NEK11: variants seen among roughly 807,000 people sequenced by gnomAD.
NEK11 encodes NIMA related kinase 11.
In NEK11, 72 loss-of-function variants were observed where a neutral mutation model predicts 80.7. That is an observed-to-expected ratio of 0.89 (90% CI 0.74 to 1.08). NEK11 has a LOEUF of 1.08. Among genes scored for constraint, NEK11 ranks in the 50% least tolerant of loss-of-function variants. The pLI is 0.00. For synonymous variants in NEK11, 251 were observed against 260.7 expected (o/e 0.96, Z 0.36); for missense variants, 764 against 763.6 (o/e 1.00, Z -0.01).
chr3:131,333,647 G>T (rs926006479), intron 17 of NEK11, among the ~76,000 whole-genome samples: 20 of 152,078 alleles, frequency 1.3e-4, no homozygotes, highest in African/African-American at 4.8e-4. Context: ...TGGACTAAAT[G>T]CTCCAATTAA....
chr3:131,196,883 G>A (rs1219900177), intron 14 of NEK11, among the ~76,000 whole-genome samples: 2 of 149,824 alleles, frequency 1.3e-5, no homozygotes, highest in African/African-American at 2.5e-5. Context: ...ATTTAATAGA[G>A]TGAAATAGAG....
At chr3:131,184,041 C>T (rs565825650) in intron 14 of NEK11, among the ~76,000 whole-genome samples, 1 of 152,158 alleles carries the variant, frequency 6.6e-6, no homozygotes, top group Non-Finnish European at 1.5e-5. Context: ...TCATTCGATG[C>T]CTCGCCTCTT....
Position 131,228,565 on chromosome 3 carries a change from C to G in NEK11, c.1437C>G (p.Tyr479Ter), listed in dbSNP as rs374882910. The G allele has an allele frequency of 1.2e-6, 2 of 1,613,096 alleles. No individual in the cohort carries two copies. The highest frequency in any genetic ancestry group is 1.7e-6 in the Non-Finnish European group (2 of 1,179,354). The change falls in exon 15 of 18, where the codon TAC becomes TAG. Residue 479 changes from tyrosine (Y) to a stop codon, truncating the protein, a stop_gained. Coordinates refer to ENST00000383366, the MANE Select transcript of NEK11 (RefSeq NM_024800.5). LOFTEE classifies it high-confidence loss of function. ...PEDPLVAEEY[Y>*]ADAFDSYCEE... ...ACCCACTTGTGGCTGAAGAGTACTACGCTGATGCATTTGATTCCTATTGTG... is the reference window on the plus strand; with the variant it reads ...ACCCACTTGTGGCTGAAGAGTACTAGGCTGATGCATTTGATTCCTATTGTG...
chr3:131,306,290 C>A (rs1438636612), intron 17 of NEK11, among the ~76,000 whole-genome samples: 2 of 152,034 alleles, frequency 1.3e-5, no homozygotes, highest in African/African-American at 4.8e-5. Context: ...GTTTTGATAA[C>A]CAAACATGTT....
At chr3:131,107,742 A>T (rs577534347) in intron 4 of NEK11, among the ~76,000 whole-genome samples, 1 of 152,244 alleles carries the variant, frequency 6.6e-6, no homozygotes, top group South Asian at 2.1e-4. Context: ...ATAAGCTTGT[A>T]AACTGATATA....
intron 3 of NEK11, among the ~76,000 whole-genome samples, chr3:131,066,840 C>CAAAAAAA (rs56140132): frequency 1.6e-4 from 16 of 99,688 alleles, no homozygotes; most frequent in South Asian, 6.5e-4. Flanking sequence ...AGACTTGTCT[C>CAAAAAAA]AAAAAAAAAA....
chr3:131,277,467 A>T (rs967348951), intron 17 of NEK11, among the ~76,000 whole-genome samples: 1 of 152,206 alleles, frequency 6.6e-6, no homozygotes, highest in African/African-American at 2.4e-5. Context: ...CAAAGGCAAG[A>T]TCTAGTTAAG....
intron 3 of NEK11, among the ~76,000 whole-genome samples, chr3:131,064,785 CA>C (rs2071579328): frequency 6.6e-6 from 1 of 151,972 alleles, no homozygotes; most frequent in African/African-American, 2.4e-5. Flanking sequence ...CTCTTGCCTT[CA>C]AAGAGCTTAT....
chr3:131,206,642 T>A (rs1183269221), intron 14 of NEK11, among the ~76,000 whole-genome samples: 1 of 152,212 alleles, frequency 6.6e-6, no homozygotes, highest in African/African-American at 2.4e-5. Flanking sequence ...AGGTACTGCA[T>A]CATTCCCTTA....
chr3:131,323,771 T>C (rs2096924308), intron 17 of NEK11, among the ~76,000 whole-genome samples: 1 of 152,372 alleles, frequency 6.6e-6, no homozygotes, highest in South Asian at 2.1e-4. Context: ...TATATTGCTG[T>C]AGCACCATTT....
chr3:131,057,340 G>A (rs1191827458), intron 3 of NEK11, among the ~76,000 whole-genome samples: 3 of 152,182 alleles, frequency 2.0e-5, no homozygotes, highest in African/African-American at 4.8e-5. Flanking sequence ...TAATGCCGCA[G>A]TAAACATACG....
At chr3:131,188,307 A>T (rs2093669641) in intron 14 of NEK11, among the ~76,000 whole-genome samples, 1 of 152,178 alleles carries the variant, frequency 6.6e-6, no homozygotes, top group African/African-American at 2.4e-5. Flanking sequence ...CCTCTAAAAG[A>T]TTTATTATTA....
At chr3:131,174,414 A>G (rs1294315248) in intron 14 of NEK11, among the ~76,000 whole-genome samples, 4 of 152,236 alleles carry the variant, frequency 2.6e-5, no homozygotes, top group African/African-American at 9.6e-5. Context: ...TTTGGCATGT[A>G]TATGTAAAAT....
intron 14 of NEK11, among the ~76,000 whole-genome samples, chr3:131,215,811 A>G (rs2094816600): frequency 6.6e-6 from 1 of 152,164 alleles, no homozygotes; most frequent in African/African-American, 2.4e-5. Context: ...AGAGGAACTG[A>G]GGATCAGAGA....
intron 7 of NEK11, among the ~76,000 whole-genome samples, chr3:131,151,502 A>T (rs552956455): frequency 3.3e-5 from 5 of 152,104 alleles, no homozygotes; most frequent in African/African-American, 9.6e-5. Context: ...TGTATTAAGG[A>T]CATTGTTAAA....
rs1395306388 is a variant in NEK11, at chr3:131,243,481, G to A, written c.1606G>A (p.Gly536Ser). The A allele has an allele frequency of 1.9e-6, 3 of 1,612,500 alleles. No individual in the cohort carries two copies. The highest frequency in any genetic ancestry group is 2.5e-6 in the Non-Finnish European group (3 of 1,179,120). Residue 536 changes from glycine (G) to serine (S), a missense_variant, in exon 16 of 18, where the codon GGT becomes AGT. Transcript: ENST00000383366. The part of the protein sequence containing the change: ...ALARCLENVL[G>S]CTSLDTKTIT... ...GGCCAGGTGTTTGGAAAATGTCCTG[G>A]GTTGCACTTCTCTAGGTGAGTAAGT...
rs34577517 is a variant in NEK11, at chr3:131,255,070, C to G, written c.1621+11574C>G. On this transcript the variant is annotated intron_variant, in intron 16 of 17. Coordinates refer to ENST00000383366, the MANE Select transcript of NEK11 (RefSeq NM_024800.5). The stretch of plus-strand genomic sequence containing the variant: ...AGAGAGAGACAGACAGACAGACAGA[C>G]AGAAAGAAGGAAAGAAAGAAAGAAA... Among the ~76,000 whole-genome samples, 7 of 108,702 alleles carry G rather than the reference C, an allele frequency of 6.4e-5. No homozygotes were observed. The South Asian group carries it at 1.9e-3, about 29-fold the overall frequency. The allele number at this position is 108,702 out of a possible 152,430, so 71.3% of individuals were successfully genotyped here. A position where few individuals can be genotyped will look rare whatever the true frequency, so the allele number is the denominator to read the frequency against.
chr3:131,223,599 T>C (rs2095097442), intron 14 of NEK11, among the ~76,000 whole-genome samples: 1 of 152,376 alleles, frequency 6.6e-6, no homozygotes, highest in Admixed American at 6.5e-5. Context: ...CATTTATTTA[T>C]GTATTGTCTG....
At chr3:131,279,192 A>C (rs2108786042) in intron 17 of NEK11, among the ~76,000 whole-genome samples, 1 of 152,060 alleles carries the variant, frequency 6.6e-6, no homozygotes, top group Middle Eastern at 3.4e-3. Context: ...ATTACTAAAA[A>C]TACAAAAATT....
Sources: allele counts gnomAD v4.1 joint callset (sites outside exome capture counted in the v4.1 genomes callset), GRCh38; gene constraint gnomAD v4.1.1; transcripts MANE v1.5; gene names NCBI Gene and HGNC (gene_info 2026-07-23, HGNC 2026-07-21).